The following COL6A5 variants were observed in gnomAD, a reference collection of about 807,000 sequenced individuals.
COL6A5 encodes collagen type VI alpha 5 chain, also known as collagen alpha-5(VI) chain.
Under a neutral mutation model 65.6 loss-of-function variants are expected in COL6A5, and 48 were observed. That is an observed-to-expected ratio of 0.73 (90% CI 0.58 to 0.93). The LOEUF is 0.93. Among genes scored for constraint, COL6A5 ranks in the 40% least tolerant of loss-of-function variants. The pLI, the probability that COL6A5 is intolerant of heterozygous loss-of-function variation, is 0.00. For missense variants in COL6A5, 914 were observed against 928.3 expected (o/e 0.98, Z 0.20); for synonymous variants, 291 against 322.8 (o/e 0.90, Z 1.05).
chr3:130,384,831 T>C lies in COL6A5; in HGVS notation c.1328T>C (p.Ile443Thr), dbSNP rs966387628. 2.6e-6 allele frequency: 4 copies of C among 1,548,980 alleles called. No homozygotes were observed. In the Admixed American group the frequency reaches 5.9e-5, roughly 23 times the overall value. The change falls in exon 5 of 42, where the codon ATC (isoleucine) becomes ACC (threonine). Residue 443 changes from isoleucine (I) to threonine (T), a missense_variant and NMD_transcript_variant. Transcript: ENST00000312481. ...TGTGTGGATACAAAAGAGGCTGATA[T>C]CCACTTCCTCATTGATGGCTCAAGC...
chr3:130,470,943 A>G, exon 7 of COL6A5: 1 of 1,612,278 alleles, frequency 6.2e-7, no homozygotes, highest in Non-Finnish European at 8.5e-7. Context: ...AACCCAGAGA[A>G]CGGTGGCACA....
intron 2 of COL6A5, among the ~76,000 whole-genome samples, chr3:130,375,516 C>T (rs1935731360): frequency 6.6e-6 from 1 of 152,130 alleles, no homozygotes; most frequent in African/African-American, 2.4e-5. Context: ...AAATCCCCAT[C>T]TTAGACTCTG....
At chr3:130,440,648 G>A in exon 3 of COL6A5, 1 of 1,613,456 alleles carries the variant, frequency 6.2e-7, no homozygotes, top group Non-Finnish European at 8.5e-7. Context: ...GGCTTTGAGG[G>A]CTAAGTGTCA....
exon 6 of COL6A5, chr3:130,469,467 T>G: frequency 6.2e-7 from 1 of 1,611,656 alleles, no homozygotes; most frequent in Non-Finnish European, 8.5e-7. Context: ...AAGCCATTTG[T>G]CCATTTAATC....
At chr3:130,388,941 G>A in exon 6 of COL6A5, 1 of 1,547,916 alleles carries the variant, frequency 6.5e-7, no homozygotes, top group Non-Finnish European at 8.7e-7. Context: ...GAGTAGCGCA[G>A]GATGATGTGA....
chr3:130,471,014 GT>G, intron 7 of COL6A5, 47 bp downstream of exon 39: 1 of 1,338,804 alleles, frequency 7.5e-7, no homozygotes, highest in African/African-American at 1.4e-5. Context: ...ACTGGAAACA[GT>G]TCTTAAGAAA....
intron 10 of COL6A5, among the ~76,000 whole-genome samples, chr3:130,398,795 T>C (rs984535635): frequency 2.0e-5 from 3 of 152,210 alleles, no homozygotes; most frequent in African/African-American, 7.2e-5. Flanking sequence ...TAGTACAATT[T>C]GCATTCCAGA....
intron 21 of COL6A5, 105 bp downstream of exon 21, chr3:130,413,685 T>C: frequency 8.5e-7 from 1 of 1,173,852 alleles, no homozygotes; most frequent in Admixed American, 2.0e-5. Flanking sequence ...TACAAGGGTA[T>C]AGGAAGTGCC....
chr3:130,474,112 C>T (rs1219993251), intron 7 of COL6A5, among the ~76,000 whole-genome samples: 1 of 152,018 alleles, frequency 6.6e-6, no homozygotes, highest in African/African-American at 2.4e-5. Flanking sequence ...TGTGGGCCAG[C>T]ATGTGTGGGT....
intron 4 of COL6A5, among the ~76,000 whole-genome samples, chr3:130,443,784 A>T (rs573228688): frequency 6.6e-6 from 1 of 152,150 alleles, no homozygotes; most frequent in African/African-American, 2.4e-5. Flanking sequence ...CTTTAAATTC[A>T]TGGTTTCTTC....
chr3:130,384,683 C>G (rs1273556236), intron 4 of COL6A5, 121 bp from the exon 5 acceptor site: 3 of 737,240 alleles, frequency 4.1e-6, no homozygotes, highest in Non-Finnish European at 4.4e-6. Context: ...AGTGTGCAGG[C>G]TCTACGCAAA....
intron 5 of COL6A5, among the ~76,000 whole-genome samples, chr3:130,457,757 C>T (rs189999107): frequency 1.8e-4 from 28 of 152,228 alleles, no homozygotes; most frequent in Middle Eastern, 3.4e-3. Context: ...TTCTTTCAAT[C>T]ATCTTTAGCC....
intron 1 of COL6A5, among the ~76,000 whole-genome samples, chr3:130,371,753 A>T (rs183893864): frequency 7.7e-4 from 118 of 152,300 alleles, no homozygotes; most frequent in African/African-American, 2.7e-3. Flanking sequence ...ACTCTTCATG[A>T]CTGTAGGCAA....
rs779265460 is a variant in COL6A5, at chr3:130,397,681, G to A, written c.3667G>A (p.Gly1223Ser). Reference sequence around the variant, plus strand: ...CCCCCAGCTGGAATCCTACCTCCCAGGCATCTTAGAAGACATCAGCTCTAT... The same window carrying A: ...CCCCCAGCTGGAATCCTACCTCCCAAGCATCTTAGAAGACATCAGCTCTAT... The change falls in exon 9 of 42, where the codon GGC (glycine) becomes AGC (serine). Residue 1223 changes from glycine (G) to serine (S), a missense_variant and NMD_transcript_variant. Gly to Ser is a moderately conservative substitution (Grantham distance 56). Transcript: ENST00000312481. The A allele has an allele frequency of 1.1e-3, 1,652 of 1,551,612 alleles. 1 individual carries two copies. Among genetic ancestry groups the A allele is most frequent in the Non-Finnish European group, 1.4e-3 (1,579 of 1,147,024 alleles).
chr3:130,361,221 C>G (rs1337846397), intron 1 of COL6A5, among the ~76,000 whole-genome samples: 3 of 152,028 alleles, frequency 2.0e-5, no homozygotes. Flanking sequence ...TTTTAAAAAT[C>G]GTCTGTGCTC....
chr3:130,399,046 G>T (rs533030943), intron 10 of COL6A5, among the ~76,000 whole-genome samples: 61 of 152,318 alleles, frequency 4.0e-4, no homozygotes, highest in Middle Eastern at 3.4e-3. Flanking sequence ...CCATGTCATA[G>T]CTTCAAACTG....
exon 1 of COL6A5, chr3:130,345,763 G>C (rs1559849016): frequency 2.5e-6 from 1 of 398,652 alleles, no homozygotes; most frequent in Non-Finnish European, 4.4e-6. Context: ...GACCCTCTCA[G>C]GGCACGAGGC....
At chr3:130,407,715 T>G (rs1177211515) in intron 17 of COL6A5, among the ~76,000 whole-genome samples, 1 of 152,026 alleles carries the variant, frequency 6.6e-6, no homozygotes, top group East Asian at 1.9e-4. Flanking sequence ...ACCTGAAATC[T>G]CCAGATATAG....
chr3:130,349,090 A>C (rs1934608989), intron 1 of COL6A5, among the ~76,000 whole-genome samples: 1 of 151,866 alleles, frequency 6.6e-6, no homozygotes, highest in Non-Finnish European at 1.5e-5. Context: ...CCATCAAGCC[A>C]CTCTTTGGGA....
Sources: gnomAD v4.1 joint callset for allele counts (sites outside exome capture counted in the v4.1 genomes callset) on GRCh38, gnomAD v4.1.1 for gene constraint, MANE v1.5 for transcripts, NCBI Gene and HGNC (gene_info 2026-07-23, HGNC 2026-07-21) for gene names.